Variants in CSMD2 observed in about 807,000 individuals in gnomAD.
CSMD2 encodes CUB and Sushi multiple domains 2.
In CSMD2, 130 loss-of-function variants were observed where a neutral mutation model predicts 398.5. The observed-to-expected ratio is 0.33, with a 90% CI of 0.28 to 0.38. The LOEUF (loss-of-function observed/expected upper bound fraction) is 0.38. CSMD2 is among the 10% of genes least tolerant of loss of function. The pLI is 1.00. For missense variants in CSMD2, 3,829 were observed against 4,764.9 expected (o/e 0.80, Z 5.78); for synonymous variants, 1,828 against 1,908.5 (o/e 0.96, Z 1.10).
At chr1:34,139,638 A>T (rs1273087142) in intron 1 of CSMD2, among the ~76,000 whole-genome samples, 1 of 152,216 alleles carries the variant, frequency 6.6e-6, no homozygotes, top group Non-Finnish European at 1.5e-5. Flanking sequence ...ACACATTTAC[A>T]TATACAGTAG....
chr1:33,904,241 G>A (rs887500090), intron 5 of CSMD2, among the ~76,000 whole-genome samples: 4 of 152,236 alleles, frequency 2.6e-5, no homozygotes, highest in Admixed American at 2.6e-4. Context: ...GCCCAAAGGT[G>A]CTGGCGGAAC....
At chr1:34,028,025 A>G (rs925232712) in intron 3 of CSMD2, among the ~76,000 whole-genome samples, 10 of 152,300 alleles carry the variant, frequency 6.6e-5, no homozygotes, top group East Asian at 5.8e-4. Context: ...GCTCAGTTAT[A>G]TTTAAATTTC....
At chr1:34,039,017 C>T (rs1329399635) in intron 2 of CSMD2, among the ~76,000 whole-genome samples, 1 of 150,982 alleles carries the variant, frequency 6.6e-6, no homozygotes, top group Non-Finnish European at 1.5e-5. Flanking sequence ...GTCTAATTAA[C>T]TCTTTCTCAT....
chr1:33,577,317 C>T lies in CSMD2; in HGVS notation c.7555G>A (p.Glu2519Lys), dbSNP rs1177028383. Residue 2519 changes from glutamate (E) to lysine (K), a missense_variant, in exon 49 of 71, where the codon GAA (glutamate) becomes AAA (lysine). This residue lies in a region of CSMD2 where 723 missense variants were observed against 758.6 expected (regional missense o/e 0.95). Coordinates refer to ENST00000373381, the MANE Select transcript of CSMD2 (RefSeq NM_001281956.2). The stretch of plus-strand genomic sequence containing the variant: ...TCACCTTGACAGAGAGGGATGGCTT[C>T]GCTCCACAGGTGGTAGCCCTGGGGG... ...RHPQGYHLWS[E>K]AIPLCQALSC... 5.0e-6 allele frequency: 8 copies of T among 1,610,776 alleles called. No individual in the cohort carries two copies. Among genetic ancestry groups the T allele is most frequent in the Admixed American group, 3.3e-5 (2 of 59,852 alleles).
intron 1 of CSMD2, among the ~76,000 whole-genome samples, chr1:34,103,746 T>C (rs1660254344): frequency 9.7e-6 from 1 of 103,622 alleles, no homozygotes; most frequent in African/African-American, 3.6e-5. Context: ...GTTATTGCCG[T>C]TAACAATGAT....
chr1:34,135,610 C>G (rs1335666418), intron 1 of CSMD2, among the ~76,000 whole-genome samples: 2 of 67,508 alleles, frequency 3.0e-5, no homozygotes, highest in Non-Finnish European at 5.3e-5. Flanking sequence ...AAGCAAGACT[C>G]CATCTCAAAA....
chr1:33,549,739 A>G (rs1226041286), intron 56 of CSMD2, among the ~76,000 whole-genome samples: 1 of 152,156 alleles, frequency 6.6e-6, no homozygotes, highest in African/African-American at 2.4e-5. Context: ...ACGAGTCTGA[A>G]ACAGAGAAGA....
intron 13 of CSMD2, among the ~76,000 whole-genome samples, chr1:33,748,200 C>G (rs571064391): frequency 2.0e-5 from 3 of 152,152 alleles, no homozygotes; most frequent in Non-Finnish European, 4.4e-5. Context: ...AAGATCTAAT[C>G]TTTCTTGCTC....
At chr1:33,568,719 A>C (rs1452575964) in intron 52 of CSMD2, among the ~76,000 whole-genome samples, 1 of 152,168 alleles carries the variant, frequency 6.6e-6, no homozygotes, top group African/African-American at 2.4e-5. Context: ...TCTCTGTGGA[A>C]ATAACCTGTG....
At chr1:33,595,748 G>A (rs1327426984) in intron 44 of CSMD2, among the ~76,000 whole-genome samples, 1 of 152,104 alleles carries the variant, frequency 6.6e-6, no homozygotes, top group Non-Finnish European at 1.5e-5. Context: ...GATATTCCTG[G>A]CTTGTCTTCT....
chr1:33,792,723 C>T (rs1654472337), intron 10 of CSMD2, among the ~76,000 whole-genome samples, 197 bp from the exon 11 acceptor site: 1 of 152,196 alleles, frequency 6.6e-6, no homozygotes, highest in Non-Finnish European at 1.5e-5. Context: ...GTCTCCAGGG[C>T]CCCCTGATGT....
chr1:33,928,432 A>G (rs1218532653), intron 4 of CSMD2, among the ~76,000 whole-genome samples: 1 of 152,214 alleles, frequency 6.6e-6, no homozygotes, highest in Non-Finnish European at 1.5e-5. Context: ...CCCCTCACTG[A>G]GTCATAACTA....
chr1:34,036,433 G>A (rs894556047), intron 2 of CSMD2, among the ~76,000 whole-genome samples: 48 of 152,298 alleles, frequency 3.2e-4, no homozygotes, highest in African/African-American at 1.1e-3. Context: ...CACATGCCAT[G>A]TGATTCAATT....
chr1:34,134,850 G>T (rs1638550838), intron 1 of CSMD2, among the ~76,000 whole-genome samples: 1 of 152,180 alleles, frequency 6.6e-6, no homozygotes, highest in Admixed American at 6.5e-5. Flanking sequence ...ATAATTAAAG[G>T]AACGCAATAA....
chr1:33,903,591 G>A (rs1190817016), intron 5 of CSMD2, among the ~76,000 whole-genome samples: 1 of 152,198 alleles, frequency 6.6e-6, no homozygotes, highest in African/African-American at 2.4e-5. Context: ...GGCAGAAGCA[G>A]ATCTCTCCTC....
intron 2 of CSMD2, among the ~76,000 whole-genome samples, chr1:34,081,011 C>A (rs929044566): frequency 2.7e-5 from 4 of 149,086 alleles, no homozygotes; most frequent in Admixed American, 1.3e-4. Flanking sequence ...GGGATGTGAC[C>A]CAGACACCAT....
intron 1 of CSMD2, among the ~76,000 whole-genome samples, chr1:34,103,858 G>T (rs1408578860): frequency 2.6e-5 from 4 of 152,158 alleles, no homozygotes; most frequent in African/African-American, 9.7e-5. Flanking sequence ...TTTGGAAGTG[G>T]CTTAGTGGAA....
chr1:33,861,799 G>A (rs1172068251), intron 5 of CSMD2, among the ~76,000 whole-genome samples: 1 of 152,200 alleles, frequency 6.6e-6, no homozygotes, highest in Non-Finnish European at 1.5e-5. Flanking sequence ...GGCAATGCCT[G>A]TACTGGAAGG....
intron 3 of CSMD2, among the ~76,000 whole-genome samples, chr1:34,005,956 C>T (rs533869139): frequency 6.6e-6 from 1 of 152,314 alleles, no homozygotes; most frequent in Admixed American, 6.5e-5. Flanking sequence ...GCTCATCCAC[C>T]CCCATGCAGA....
Sources: gnomAD v4.1 joint callset for allele counts (sites outside exome capture counted in the v4.1 genomes callset) on GRCh38, gnomAD v4.1.1 for gene constraint, gnomAD v4.1.1 regional missense constraint, MANE v1.5 for transcripts, NCBI Gene and HGNC (gene_info 2026-07-23, HGNC 2026-07-21) for gene names.